Variants in GRIA4 observed in about 807,000 individuals in gnomAD.
GRIA4 encodes glutamate ionotropic receptor AMPA type subunit 4.
A neutral mutation model predicts 104.0 loss-of-function variants in GRIA4; 34 were observed. The ratio of observed to expected loss-of-function variants is 0.33; its 90% CI spans 0.25 to 0.44. The LOEUF (loss-of-function observed/expected upper bound fraction) is 0.44. GRIA4 is among the 20% of genes least tolerant of loss of function. GRIA4 has a pLI of 1.00. For synonymous variants in GRIA4, 386 were observed against 381.9 expected (o/e 1.01, Z -0.13); for missense variants, 750 against 1,096.5 (o/e 0.68, Z 4.46).
At chr11:105,714,054 T>C (rs1458630862) in intron 3 of GRIA4, among the ~76,000 whole-genome samples, 2 of 152,110 alleles carry the variant, frequency 1.3e-5, no homozygotes, top group Admixed American at 1.3e-4. Context: ...ACAAAATATA[T>C]TGGGGGCTTG....
At chr11:105,620,451 G>A (rs1591449442) in intron 3 of GRIA4, among the ~76,000 whole-genome samples, 1 of 151,770 alleles carries the variant, frequency 6.6e-6, no homozygotes. Flanking sequence ...TACAGGATTT[G>A]CCTGCCATTC....
intron 3 of GRIA4, among the ~76,000 whole-genome samples, chr11:105,696,912 G>A (rs960325648): frequency 2.0e-5 from 3 of 151,852 alleles, no homozygotes; most frequent in South Asian, 2.1e-4. Context: ...TTATAGGCAC[G>A]TGCCACCACC....
At chr11:105,922,423 A>G (rs1343408894) in intron 11 of GRIA4, among the ~76,000 whole-genome samples, 5 of 152,164 alleles carry the variant, frequency 3.3e-5, no homozygotes, top group African/African-American at 4.8e-5. Flanking sequence ...TACTGTTTAG[A>G]CCAGCCATTC....
At chr11:105,698,214 TATTA>T (rs1168268264) in intron 3 of GRIA4, among the ~76,000 whole-genome samples, 1 of 152,194 alleles carries the variant, frequency 6.6e-6, no homozygotes, top group South Asian at 2.1e-4. Context: ...ATAACATATA[TATTA>T]ATTATGTTAA....
chr11:105,899,142 G>GA (rs758928331), intron 7 of GRIA4, among the ~76,000 whole-genome samples: 3 of 152,070 alleles, frequency 2.0e-5, no homozygotes, highest in Non-Finnish European at 4.4e-5. Flanking sequence ...CTCAAGCCTA[G>GA]AAAAAACAAG....
intron 5 of GRIA4, among the ~76,000 whole-genome samples, chr11:105,871,375 C>T (rs373224317): frequency 1.3e-5 from 2 of 151,750 alleles, no homozygotes; most frequent in South Asian, 4.2e-4. Context: ...GCAAAATAAA[C>T]TGAGCTTGCT....
At chr11:105,647,912 T>C (rs774016754) in intron 3 of GRIA4, among the ~76,000 whole-genome samples, 68 of 151,838 alleles carry the variant, frequency 4.5e-4, no homozygotes, top group Non-Finnish European at 6.0e-4. Context: ...TGAGCCATGA[T>C]TGTGCCACTT....
chr11:105,976,584 G>A (rs1456920842), intron 16 of GRIA4, among the ~76,000 whole-genome samples: 1 of 151,976 alleles, frequency 6.6e-6, no homozygotes, highest in East Asian at 1.9e-4. Context: ...TAAGTAAGCA[G>A]TTTTTATTGT....
intron 3 of GRIA4, among the ~76,000 whole-genome samples, chr11:105,638,539 ATGTGTGTG>A (rs66610848): frequency 4.7e-5 from 7 of 149,484 alleles, no homozygotes; most frequent in East Asian, 2.0e-4. Flanking sequence ...GTGCGCGTGT[ATGTGTGTG>A]TGTGTGTGTG....
intron 5 of GRIA4, among the ~76,000 whole-genome samples, chr11:105,872,676 G>C (rs1174127186): frequency 1.3e-5 from 2 of 151,986 alleles, no homozygotes; most frequent in Non-Finnish European, 2.9e-5. Context: ...TTCAAGAATA[G>C]ATATCTACTC....
At chr11:105,681,010 A>T (rs1591551604) in intron 3 of GRIA4, among the ~76,000 whole-genome samples, 1 of 152,272 alleles carries the variant, frequency 6.6e-6, no homozygotes, top group Middle Eastern at 3.4e-3. Flanking sequence ...AGAGGTTTGT[A>T]AAGTCTTAGA....
At chr11:105,842,936 A>AT (rs1565280403) in intron 4 of GRIA4, 1 of 152,170 alleles carries the variant, frequency 6.6e-6, no homozygotes, top group Non-Finnish European at 1.5e-5. Flanking sequence ...TAAAGGATTC[A>AT]TTTTAATAGA....
At chr11:105,700,783 A>G (rs1953461407) in intron 3 of GRIA4, among the ~76,000 whole-genome samples, 1 of 152,098 alleles carries the variant, frequency 6.6e-6, no homozygotes, top group Non-Finnish European at 1.5e-5. Flanking sequence ...TCTTATGTGG[A>G]TGAATGCATT....
At chr11:105,787,974 A>G (rs1942047159) in intron 4 of GRIA4, among the ~76,000 whole-genome samples, 1 of 152,160 alleles carries the variant, frequency 6.6e-6, no homozygotes, top group Non-Finnish European at 1.5e-5. Flanking sequence ...GCCCATTACA[A>G]AGAAGAGCTT....
chr11:105,638,575 T>C (rs1308401677), intron 3 of GRIA4, among the ~76,000 whole-genome samples: 2 of 151,812 alleles, frequency 1.3e-5, no homozygotes, highest in African/African-American at 4.8e-5. Context: ...GTTTTCTCCA[T>C]ACTAGTTTCT....
intron 5 of GRIA4, among the ~76,000 whole-genome samples, chr11:105,877,528 G>A (rs566621295): frequency 1.2e-4 from 19 of 152,210 alleles, no homozygotes; most frequent in African/African-American, 4.1e-4. Flanking sequence ...CTTTCTCCTC[G>A]TCACTTTCAG....
intron 3 of GRIA4, among the ~76,000 whole-genome samples, chr11:105,658,083 A>C (rs1026541178): frequency 2.6e-5 from 4 of 151,810 alleles, no homozygotes; most frequent in Non-Finnish European, 5.9e-5. Flanking sequence ...AGTATAGTAG[A>C]ATTTTTTTAA....
At chr11:105,666,827 C>A (rs1373899784) in intron 3 of GRIA4, among the ~76,000 whole-genome samples, 3 of 151,584 alleles carry the variant, frequency 2.0e-5, no homozygotes, top group African/African-American at 7.3e-5. Context: ...TTCTGAGCAT[C>A]TCCTTTGCCA....
intron 4 of GRIA4, among the ~76,000 whole-genome samples, chr11:105,770,144 T>C (rs137932491): frequency 6.6e-6 from 1 of 152,242 alleles, no homozygotes; most frequent in East Asian, 1.9e-4. Context: ...TATTCAACTT[T>C]ATAGTCCCCC....
Sources: allele counts gnomAD v4.1 joint callset (sites outside exome capture counted in the v4.1 genomes callset), GRCh38; gene constraint gnomAD v4.1.1; transcripts MANE v1.5; gene names NCBI Gene and HGNC (gene_info 2026-07-23, HGNC 2026-07-21).